The following PCDHGA3 variants were observed in gnomAD, a reference collection of about 807,000 sequenced individuals.
The protein encoded by PCDHGA3 is protocadherin gamma-A3.
PCDHGA3 carries 40 observed loss-of-function variants against 58.5 expected under a neutral mutation model. The ratio of observed to expected loss-of-function variants is 0.68; its 90% confidence interval spans 0.53 to 0.89. The LOEUF (loss-of-function observed/expected upper bound fraction) is 0.89. Ranked by LOEUF, PCDHGA3 falls within the 40% of genes least tolerant of loss-of-function variation. The pLI is 0.00. For synonymous variants in PCDHGA3, 530 were observed against 525.7 expected, an observed-to-expected ratio of 1.01 and a Z score of -0.11; for missense variants, 1,223 against 1,195.9, an observed-to-expected ratio of 1.02 and a Z score of -0.33.
At chr5:141,404,320 C>T (rs577477279) in intron 1 of PCDHGA3, 8 of 1,613,920 alleles carry the variant, frequency 5.0e-6, no homozygotes, top group Admixed American at 1.7e-5. Flanking sequence ...CTCAAGCCTC[C>T]TACTCAGTCT....
chr5:141,425,949 C>T (rs2096905190), intron 1 of PCDHGA3, among the ~76,000 whole-genome samples: 1 of 152,224 alleles, frequency 6.6e-6, no homozygotes. Flanking sequence ...GTTTCCTATA[C>T]ATTAGTCCAA....
At chr5:141,372,344 A>G in intron 1 of PCDHGA3, 1 of 1,613,770 alleles carries the variant, frequency 6.2e-7, no homozygotes, top group Non-Finnish European at 8.5e-7. Flanking sequence ...GTGATGGAGG[A>G]CAGCAGCCTC....
rs778980089 is a variant in PCDHGA3 at position 141,344,380 on chromosome 5, T to C, written c.347T>C (p.Ile116Thr). 6.2e-7 allele frequency: 1 copy of C among 1,612,874 alleles called. No individual in the cohort carries two copies. The highest frequency in any genetic ancestry group is 1.3e-5 in the African/African-American group (1 of 74,802). The change falls in exon 1 of 4, where the codon ATT (isoleucine) becomes ACT (threonine). Residue 116 changes from isoleucine to threonine, a missense_variant. Transcript: ENST00000253812. ...ATTCTGGTTGAGGATAAATTGAAAA[T>C]TTTTGAAGTAGAAATAGAAATTAAA... ...INILVEDKLK[I>T]FEVEIEIKDI...
intron 3 of PCDHGA3, 86 bp downstream of exon 3, chr5:141,505,567 T>C: frequency 6.3e-7 from 1 of 1,599,440 alleles, no homozygotes; most frequent in South Asian, 1.1e-5. Flanking sequence ...ACGGACTGGA[T>C]GTCAAACCTG....
intron 1 of PCDHGA3, chr5:141,372,840 A>G (rs373804282): frequency 2.6e-6 from 4 of 1,521,774 alleles, no homozygotes; most frequent in Non-Finnish European, 3.5e-6. Context: ...CCTTCCATAA[A>G]TATAATTGGG....
Position 141,485,754 on chromosome 5 carries a change from T to A in PCDHGA3, c.2425-9053T>A, listed in dbSNP as rs770807249. ...AGCGACGGCAGCCTGGTCCCAGAGC[T>A]GCTCCTGGAGAAGCCTTTGGATCGA... On this transcript the variant is annotated intron_variant, in intron 1 of 3. Transcript: ENST00000253812. This position sits in a 1 kb window ranked among gnomAD's most constrained non-coding sequence, Gnocchi z 5.7. 1 of 1,614,236 alleles carries A rather than the reference T, an allele frequency of 6.2e-7. No individual in the cohort carries two copies. The highest frequency in any genetic ancestry group is 8.5e-7 in the Non-Finnish European group (1 of 1,180,044).
intron 1 of PCDHGA3, among the ~76,000 whole-genome samples, chr5:141,425,699 G>A (rs535043616): frequency 6.6e-6 from 1 of 152,260 alleles, no homozygotes; most frequent in Non-Finnish European, 1.5e-5. Context: ...ATTTCATAGT[G>A]GTCAAAATTT....
chr5:141,370,656 G>C, intron 1 of PCDHGA3: 1 of 1,613,852 alleles, frequency 6.2e-7, no homozygotes, highest in South Asian at 1.1e-5. Flanking sequence ...ACTTGTGAGC[G>C]ACCGTATAGA....
At chr5:141,504,462 G>A (rs1375731108) in intron 2 of PCDHGA3, among the ~76,000 whole-genome samples, 5 of 152,074 alleles carry the variant, frequency 3.3e-5, no homozygotes, top group African/African-American at 9.7e-5. Flanking sequence ...TGGGGCAGCC[G>A]CTGGGATGGG....
chr5:141,384,191 C>T (rs376661364), intron 1 of PCDHGA3: 30 of 1,613,842 alleles, frequency 1.9e-5, no homozygotes, highest in Non-Finnish European at 2.5e-5. Context: ...GGAACTCCTC[C>T]CTTGTCCAGG....
chr5:141,448,763 A>AC (rs1372638258), intron 1 of PCDHGA3, among the ~76,000 whole-genome samples: 11 of 151,572 alleles, frequency 7.3e-5, no homozygotes, highest in Admixed American at 5.3e-4. Flanking sequence ...ACACGGTGAA[A>AC]CCCCGTCTGT....
chr5:141,423,895 G>T, intron 1 of PCDHGA3: 1 of 1,277,758 alleles, frequency 7.8e-7, no homozygotes, highest in Non-Finnish European at 9.9e-7. Flanking sequence ...ATTTTCTTTT[G>T]ATTTCAAAGG....
At chr5:141,437,187 G>A (rs1055878763) in intron 1 of PCDHGA3, among the ~76,000 whole-genome samples, 1 of 152,148 alleles carries the variant, frequency 6.6e-6, no homozygotes, top group Non-Finnish European at 1.5e-5. Context: ...ACTGGGCAAT[G>A]GGTTTGGATG....
chr5:141,510,359 T>A (rs1229932307), intron 3 of PCDHGA3, among the ~76,000 whole-genome samples: 3 of 143,318 alleles, frequency 2.1e-5, no homozygotes, highest in African/African-American at 7.7e-5. Flanking sequence ...CTAACGGAAC[T>A]ACCGAATCTC....
chr5:141,375,212 G>T (rs757227553), intron 1 of PCDHGA3: 1 of 1,613,944 alleles, frequency 6.2e-7, no homozygotes, highest in Admixed American at 1.7e-5. Flanking sequence ...TCGAGACTCT[G>T]GCCTGAATGG....
intron 1 of PCDHGA3, chr5:141,366,959 G>A (rs780082329): frequency 3.9e-4 from 255 of 654,682 alleles, no homozygotes; most frequent in Non-Finnish European, 5.6e-4. Context: ...GTAGACTTAA[G>A]TGAAACAAAT....
intron 1 of PCDHGA3, chr5:141,420,085 C>T: frequency 1.2e-6 from 2 of 1,614,028 alleles, no homozygotes; most frequent in Middle Eastern, 1.6e-4. Context: ...GTCCCCCCAA[C>T]TACAGTGAGG....
intron 1 of PCDHGA3, among the ~76,000 whole-genome samples, chr5:141,453,643 T>G (rs1267570786): frequency 2.6e-5 from 4 of 152,240 alleles, no homozygotes; most frequent in Non-Finnish European, 5.9e-5. Flanking sequence ...TATATTTTCT[T>G]ATGTCCTCTT....
intron 1 of PCDHGA3, chr5:141,419,854 A>G: frequency 1.9e-6 from 3 of 1,614,078 alleles, no homozygotes; most frequent in Non-Finnish European, 2.5e-6. Flanking sequence ...TGGTGTTCGC[A>G]GATAGCTTGC....
Sources: gnomAD v4.1 joint callset for allele counts (sites outside exome capture counted in the v4.1 genomes callset) on GRCh38, gnomAD v4.1.1 for gene constraint, Gnocchi (gnomAD v3.1) non-coding constraint, MANE v1.5 for transcripts, NCBI Gene and HGNC (gene_info 2026-07-23, HGNC 2026-07-21) for gene names.